WDR90: variants seen among roughly 807,000 people sequenced by gnomAD.
WDR90 encodes WD repeat domain 90.
In WDR90, 238 loss-of-function variants were observed where a neutral mutation model predicts 195.2. That is an observed-to-expected ratio of 1.22 (90% CI 1.10 to 1.36). WDR90 has a LOEUF of 1.36. WDR90 is among the 40% of genes most tolerant of loss of function. The probability of loss-of-function intolerance (pLI) is 0.00; values close to 1 mark genes in which losing one functional copy is unlikely to be tolerated. For missense variants in WDR90, 2,734 were observed against 2,439.5 expected (o/e 1.12, Z -2.54); for synonymous variants, 1,265 against 1,052.4 (o/e 1.20, Z -3.91).
In WDR90 at chr16:650,334, G is replaced by T; in HGVS notation, c.360G>T (p.Leu120Phe). ...CGGCCACGTGGCTCCAGTTTCCCTT[G>T]GTCCTGGAGGCCAGGACACCTCAGA... is the stretch of plus-strand genomic sequence containing the variant. ...KSTATWLQFP[L>F]VLEARTPQRD... is the part of the protein sequence containing the mutation. The change falls in exon 4 of 41, where the codon TTG becomes TTT. Residue 120 changes from leucine (L) to phenylalanine (F), a missense_variant. Physicochemically the swap from Leu to Phe is conservative, Grantham distance 22 (BLOSUM62 0). Transcript: ENST00000293879. The T allele has an allele frequency of 1.2e-6, 2 of 1,612,852 alleles. No individual in the cohort carries two copies. Among genetic ancestry groups the T allele is most frequent in the Non-Finnish European group, 1.7e-6 (2 of 1,179,934 alleles).
At position 658,448 on chromosome 16, in the gene WDR90, A is replaced by C. The variant is rs1020002182; in HGVS notation, c.2767-77A>C. ...CAGCTGGGTGGGGGGCCGTCGCCAC[A>C]CCCACAACGAAGGGAGGCCCCAGGC... is the stretch of plus-strand genomic sequence containing the variant. On this transcript the variant is annotated intron_variant, in intron 22 of 40. Coordinates refer to ENST00000293879, the MANE Select transcript of WDR90 (RefSeq NM_145294.5). 1.5e-4 allele frequency: 229 copies of C among 1,577,600 alleles called. 1 individual carries two copies. The South Asian group carries it at 1.8e-3, about 12-fold the overall frequency.
In WDR90 at chr16:655,862, G is replaced by T; in HGVS notation, c.1939G>T (p.Asp647Tyr). The change falls in exon 17 of 41, where the codon GAC becomes TAC. Residue 647 changes from aspartate (D) to tyrosine (Y), a missense_variant. Coordinates refer to ENST00000293879, the MANE Select transcript of WDR90 (RefSeq NM_145294.5). Reference protein sequence around the residue: ...EDGFLRLWPLDFSSVLLEAEH... With the variant: ...EDGFLRLWPLYFSSVLLEAEH... ...CGGCTTCTTGCGGCTCTGGCCCCTGGACTTCTCCTCGGTGCTCCTGGAGGC... is the reference window on the plus strand; with the variant it reads ...CGGCTTCTTGCGGCTCTGGCCCCTGTACTTCTCCTCGGTGCTCCTGGAGGC... The T allele has an allele frequency of 6.3e-7, 1 of 1,598,876 alleles. No individual in the cohort carries two copies. Among genetic ancestry groups the T allele is most frequent in the Non-Finnish European group, 8.5e-7 (1 of 1,175,358 alleles).
Position 661,658 on chromosome 16 carries a change from C to T in WDR90, c.3735C>T (p.Ser1245=). The change falls in exon 31 of 41, where the codon TCC becomes TCT. Residue 1245 remains serine, a synonymous_variant. Coordinates refer to ENST00000293879, the MANE Select transcript of WDR90 (RefSeq NM_145294.5). ...WGTATYDLVS[S]TRLPEPVHGV... Reference sequence around the variant, plus strand: ...CGGCCACCTATGACCTCGTGTCCTCCACCCGCCTCCCGGAGCCGGTGCATG... The same window carrying T: ...CGGCCACCTATGACCTCGTGTCCTCTACCCGCCTCCCGGAGCCGGTGCATG... The T allele has an allele frequency of 6.2e-7, 1 of 1,610,906 alleles. No homozygotes were observed. The highest frequency in any genetic ancestry group is 8.5e-7 in the Non-Finnish European group (1 of 1,179,188).
intron 23 of WDR90, 29 bp from the exon 24 acceptor site, chr16:658,867 G>A: frequency 1.2e-6 from 2 of 1,608,328 alleles, no homozygotes; most frequent in African/African-American, 1.3e-5. Flanking sequence ...CCCGCCTCGG[G>A]GTCCTGCATG....
chr16:659,452 T>C, intron 26 of WDR90, 76 bp downstream of exon 26: 1 of 1,534,814 alleles, frequency 6.5e-7, no homozygotes, highest in Non-Finnish European at 8.8e-7. Context: ...CAGCAGGTAC[T>C]CACGCACGTC....
chr16:658,472 G>C, intron 22 of WDR90, 53 bp from the exon 23 acceptor site: 1 of 1,585,228 alleles, frequency 6.3e-7, no homozygotes, highest in South Asian at 1.1e-5. Context: ...GAGGCCCCAG[G>C]CTGCTGGCCA....
rs141141695 is a variant in WDR90, at chr16:657,800, G to A, written c.2512G>A (p.Ala838Thr). The A allele has an allele frequency of 8.2e-4, 1,276 of 1,556,812 alleles. 6 individuals are homozygous for A. The African/African-American group carries it at 0.015, about 18-fold the overall frequency. Residue 838 changes from alanine (A) to threonine (T), a missense_variant, in exon 21 of 41, where the codon GCC (alanine) becomes ACC (threonine). Physicochemically the swap from Ala to Thr is moderately conservative, Grantham distance 58. Coordinates refer to ENST00000293879, the MANE Select transcript of WDR90 (RefSeq NM_145294.5). ...CCCGGATGCCCCCGCGAGCCCCAGC[G>A]CCCTGGCAGTCAGCAGGGATGGCCG... ...VCPDAPASPSALAVSRDGRLL... is the reference protein window; with the variant it reads ...VCPDAPASPSTLAVSRDGRLL...
chr16:660,260 A>G, intron 27 of WDR90, 99 bp downstream of exon 27: 1 of 1,116,562 alleles, frequency 9.0e-7, no homozygotes, highest in Non-Finnish European at 1.2e-6. Flanking sequence ...TTGGTCGCCA[A>G]AGGTGATGGC....
rs750553947 is a variant in WDR90, at chr16:659,287, G to C, written c.3095G>C (p.Ser1032Thr). The change falls in exon 26 of 41, where the codon AGC (serine) becomes ACC (threonine). Residue 1032 changes from serine (S) to threonine (T), a missense_variant. Physicochemically the swap from Ser to Thr is moderately conservative, Grantham distance 58. Coordinates refer to ENST00000293879, the MANE Select transcript of WDR90 (RefSeq NM_145294.5). ...GPLEDAASRA[S>T]ELPRQQVPKP... is the part of the protein sequence containing the mutation. ...CTGGAGGACGCAGCGTCCAGGGCCA[G>C]CGAGCTCCCCCGGCAGCAGGTCCCC... 33 of 1,606,134 alleles carry C rather than the reference G, an allele frequency of 2.1e-5. No homozygotes were observed. Among genetic ancestry groups the C allele is most frequent in the Non-Finnish European group, 2.8e-5 (33 of 1,177,308 alleles).
At position 653,621 on chromosome 16, in the gene WDR90, C is replaced by T. The variant is rs200174757; in HGVS notation, c.1330C>T (p.Arg444Trp). 481 of 1,613,522 alleles carry T rather than the reference C, an allele frequency of 3.0e-4. 1 individual carries two copies. The African/African-American group carries it at 5.6e-3, about 19-fold the overall frequency. The change falls in exon 12 of 41, where the codon CGG becomes TGG. Residue 444 changes from arginine (R) to tryptophan (W), a missense_variant. Arg to Trp is a moderately radical substitution (Grantham distance 101). Transcript: ENST00000293879. Reference protein sequence around the residue: ...VMRLWDFQTGRCLCLFRSPMH... With the variant: ...VMRLWDFQTGWCLCLFRSPMH... ...GCGGCTCTGGGACTTCCAGACCGGG[C>T]GGTGCTTGTGCCTGTTCCGGAGCCC...
chr16:651,988 G>A lies in WDR90; in HGVS notation c.1002G>A (p.Val334=). The change falls in exon 9 of 41, where the codon GTG becomes GTA. Residue 334 remains valine, a synonymous_variant. Transcript: ENST00000293879. Reference sequence around the variant, plus strand: ...ACACGGCTGCTGCCGGCACCCACGTGTTGACTCACGAGTCGGCTGAGGTGC... The same window carrying A: ...ACACGGCTGCTGCCGGCACCCACGTATTGACTCACGAGTCGGCTGAGGTGC... ...DIHTAAAGTH[V]LTHESAEVPV... 6.2e-7 allele frequency: 1 copy of A among 1,606,642 alleles called. No homozygotes were observed.
At chr16:655,729 AGGGTGGCAG>A (rs764263266) in intron 16 of WDR90, 26 bp downstream of exon 16, 1 of 1,581,248 alleles carries the variant, frequency 6.3e-7, no homozygotes, top group Non-Finnish European at 8.6e-7. Context: ...CCACGTGGCC[AGGGTGGCAG>A]GGACACCGAG....
chr16:649,191 G>A, upstream of WDR90: 1 of 435,258 alleles, frequency 2.3e-6, no homozygotes, highest in Non-Finnish European at 3.8e-6. Context: ...GCCTTGGGAG[G>A]CCCGCGGGGC....
In WDR90 at chr16:653,689, C is replaced by G. The variant is rs1567215314; in HGVS notation, c.1379+19C>G. 1 of 1,613,236 alleles carries G rather than the reference C, an allele frequency of 6.2e-7. No homozygotes were observed. Among genetic ancestry groups the G allele is most frequent in the Non-Finnish European group, 8.5e-7 (1 of 1,179,832 alleles). ...CTCTCAGGTGAGCACAGGTCTGCCC[C>G]ATGCAGGGGGAGGGGGTCAGCCCAG... On this transcript the variant is annotated intron_variant, in intron 12 of 40. Coordinates refer to ENST00000293879, the MANE Select transcript of WDR90 (RefSeq NM_145294.5).
chr16:660,966 GCCC>G, intron 28 of WDR90, 82 bp from the exon 29 acceptor site: 1 of 140,762 alleles, frequency 7.1e-6, no homozygotes, highest in South Asian at 1.1e-4. Context: ...CCCAGGCCCC[GCCC>G]CCTGTTCGGC....
rs374395486 is a variant in WDR90, at chr16:666,004, C to T, written c.4489C>T (p.Arg1497Trp). 7 of 1,603,738 alleles carry T rather than the reference C, an allele frequency of 4.4e-6. No homozygotes were observed. Among genetic ancestry groups the T allele is most frequent in the East Asian group, 2.2e-5 (1 of 44,884 alleles). ...PPCCGRPEQQRLAAGYGDGSL... is the reference protein window; with the variant it reads ...PPCCGRPEQQWLAAGYGDGSL... ...GTGCTGTGGCCGCCCTGAGCAGCAG[C>T]GGCTAGCGGCTGGCTACGGTGACGG... The change falls in exon 36 of 41, where the codon CGG becomes TGG. Residue 1497 changes from arginine (R) to tryptophan (W), a missense_variant. Physicochemically the swap from Arg to Trp is moderately radical, Grantham distance 101. Transcript: ENST00000293879.
In WDR90 at chr16:658,370, G is replaced by A. The variant is rs374393888; in HGVS notation, c.2766+26G>A. ...GTGAGCCTCAGGGCTGTGGCCCGCC[G>A]ACCTGGCCCTCCCTGTGCTGTCCAG... is the stretch of plus-strand genomic sequence containing the variant. On this transcript the variant is annotated intron_variant, in intron 22 of 40. Transcript: ENST00000293879. The A allele has an allele frequency of 1.8e-5, 29 of 1,608,710 alleles. No homozygotes were observed. In the African/African-American group the frequency reaches 2.3e-4, roughly 13 times the overall value.
intron 10 of WDR90, among the ~76,000 whole-genome samples, 183 bp from the exon 11 acceptor site, chr16:653,158 G>T: frequency 6.6e-6 from 1 of 152,298 alleles, no homozygotes; most frequent in East Asian, 1.9e-4. Flanking sequence ...CCTGTGACTC[G>T]TGTATGTAGT....
chr16:656,133 G>T (rs1020071362), intron 17 of WDR90, 169 bp from the exon 18 acceptor site: 2 of 779,570 alleles, frequency 2.6e-6, no homozygotes, highest in Non-Finnish European at 4.1e-6. Context: ...CCTGGGTCCC[G>T]CCTAGCCTAA....
Sources: gnomAD v4.1 joint callset for allele counts (sites outside exome capture counted in the v4.1 genomes callset) on GRCh38, gnomAD v4.1.1 for gene constraint, MANE v1.5 for transcripts, NCBI Gene and HGNC (gene_info 2026-07-23, HGNC 2026-07-21) for gene names.